Variants in TNR observed in about 807,000 individuals in gnomAD.
TNR encodes the protein tenascin R.
A neutral mutation model predicts 150.4 loss-of-function variants in TNR; 45 were observed. The observed-to-expected ratio is 0.30, with a 90% CI of 0.24 to 0.38. TNR has a LOEUF of 0.38. Ranked by LOEUF, TNR falls within the 10% of genes least tolerant of loss-of-function variation. The pLI, the probability that TNR is intolerant of heterozygous loss-of-function variation, is 1.00. For missense variants in TNR, 1,544 were observed against 1,759.1 expected (o/e 0.88, Z 2.19); for synonymous variants, 687 against 678.4 (o/e 1.01, Z -0.20).
At chr1:175,332,069 A>G (rs1315206386) in intron 20 of TNR, among the ~76,000 whole-genome samples, 1 of 152,222 alleles carries the variant, frequency 6.6e-6, no homozygotes, top group African/African-American at 2.4e-5. Context: ...TAATTGGCAG[A>G]TAGATCCATC....
chr1:175,334,588 C>T (rs1444725290), intron 20 of TNR, among the ~76,000 whole-genome samples: 2 of 152,164 alleles, frequency 1.3e-5, no homozygotes, highest in East Asian at 3.8e-4. Context: ...ACGAAGTGAC[C>T]CCACCTGGAC....
chr1:175,676,868 C>A (rs984314848), intron 1 of TNR, among the ~76,000 whole-genome samples: 1 of 152,148 alleles, frequency 6.6e-6, no homozygotes, highest in South Asian at 2.1e-4. Flanking sequence ...CAGGACTCCT[C>A]GATCTCAAAC....
chr1:175,411,396 A>G (rs1654208542), intron 2 of TNR, among the ~76,000 whole-genome samples: 1 of 152,186 alleles, frequency 6.6e-6, no homozygotes, highest in African/African-American at 2.4e-5. Flanking sequence ...ACCCACTATA[A>G]TATGGCATTA....
chr1:175,632,457 TC>T (rs1258652798), intron 1 of TNR, among the ~76,000 whole-genome samples: 1 of 152,176 alleles, frequency 6.6e-6, no homozygotes, highest in Non-Finnish European at 1.5e-5. Flanking sequence ...TTATTTTATT[TC>T]ACTTAGAAAA....
intron 2 of TNR, among the ~76,000 whole-genome samples, chr1:175,489,649 C>T (rs545782264): frequency 6.6e-6 from 1 of 152,280 alleles, no homozygotes; most frequent in South Asian, 2.1e-4. Context: ...TGAACATCAA[C>T]AAGAGAATGG....
intron 10 of TNR, among the ~76,000 whole-genome samples, chr1:175,366,661 G>C (rs984267739): frequency 6.6e-6 from 1 of 152,224 alleles, no homozygotes; most frequent in African/African-American, 2.4e-5. Context: ...AAAATCCCTA[G>C]CCCAGCCCAG....
intron 8 of TNR, among the ~76,000 whole-genome samples, chr1:175,382,037 A>T (rs1238715655): frequency 2.0e-4 from 31 of 152,174 alleles, no homozygotes; most frequent in Non-Finnish European, 1.5e-5. Flanking sequence ...TTAAAACGTT[A>T]CCTTTTCAGA....
intron 1 of TNR, among the ~76,000 whole-genome samples, chr1:175,628,780 A>T (rs1664235789): frequency 6.6e-6 from 1 of 152,120 alleles, no homozygotes; most frequent in African/African-American, 2.4e-5. Flanking sequence ...CTGGAGGGAG[A>T]TGGAAAGAGA....
chr1:175,486,545 TTCCAAG>T (rs1658025178), intron 2 of TNR, among the ~76,000 whole-genome samples: 1 of 152,148 alleles, frequency 6.6e-6, no homozygotes, highest in Admixed American at 6.5e-5. Context: ...TTTGGGTTGG[TTCCAAG>T]TCTGCTATTG....
chr1:175,376,965 G>T (rs571089501), intron 9 of TNR, among the ~76,000 whole-genome samples: 1 of 150,408 alleles, frequency 6.6e-6, no homozygotes. Flanking sequence ...TTTTCCCATC[G>T]CTTCTAGGTC....
At position 175,317,637 on chromosome 1, in the gene TNR, GTTTGCA is replaced by G. The variant is rs1446983857; in HGVS notation, c.*5714_*5719del. The G allele has an allele frequency of 6.6e-6, 1 of 152,296 alleles. No individual in the cohort carries two copies. Among genetic ancestry groups the G allele is most frequent in the East Asian group, 1.9e-4 (1 of 5,200 alleles). The allele number at this position is 152,296 out of a possible 1,614,324, so 9.4% of individuals were successfully genotyped here. A position where few individuals can be genotyped will look rare whatever the true frequency, so the allele number is the denominator to read the frequency against. ...GTATGGCTTGCTTCTCAGGGAAGATGTTTGCACCACCTGACCTGAATCCATGGTGCC... is the reference window on the plus strand; with the variant it reads ...GTATGGCTTGCTTCTCAGGGAAGATGCCACCTGACCTGAATCCATGGTGCC... On this transcript the variant is annotated 3_prime_UTR_variant, in exon 23 of 23. Transcript: ENST00000367674.
intron 1 of TNR, among the ~76,000 whole-genome samples, chr1:175,592,781 G>C (rs1662852094): frequency 6.6e-6 from 1 of 152,188 alleles, no homozygotes; most frequent in African/African-American, 2.4e-5. Flanking sequence ...CATTTCCTTT[G>C]GTGCTTAGTC....
intron 1 of TNR, among the ~76,000 whole-genome samples, chr1:175,559,529 T>A (rs1661331618): frequency 6.6e-6 from 1 of 152,186 alleles, no homozygotes; most frequent in African/African-American, 2.4e-5. Context: ...ATTTGGTAGT[T>A]CTCACTCCCA....
At chr1:175,503,507 G>T (rs955561608) in intron 2 of TNR, among the ~76,000 whole-genome samples, 1 of 152,176 alleles carries the variant, frequency 6.6e-6, no homozygotes, top group Non-Finnish European at 1.5e-5. Context: ...TTATGTAAAT[G>T]AGCCGACAGG....
intron 2 of TNR, among the ~76,000 whole-genome samples, chr1:175,470,212 A>G (rs1657222789): frequency 6.6e-6 from 1 of 152,226 alleles, no homozygotes; most frequent in South Asian, 2.1e-4. Context: ...CAGACTTACA[A>G]GCTGCCAGTG....
At chr1:175,371,037 C>G (rs1311166730) in intron 9 of TNR, among the ~76,000 whole-genome samples, 1 of 148,898 alleles carries the variant, frequency 6.7e-6, no homozygotes, top group Non-Finnish European at 1.5e-5. Context: ...AATTGTTGCT[C>G]TTTGCCAGCA....
At chr1:175,659,033 T>C (rs1571723588) in intron 1 of TNR, among the ~76,000 whole-genome samples, 1 of 152,048 alleles carries the variant, frequency 6.6e-6, no homozygotes, top group East Asian at 1.9e-4. Flanking sequence ...AGAATGGGGG[T>C]GGAAGCCACC....
chr1:175,603,478 T>C (rs1663314629), intron 1 of TNR, among the ~76,000 whole-genome samples: 1 of 152,266 alleles, frequency 6.6e-6, no homozygotes, highest in Non-Finnish European at 1.5e-5. Context: ...CAGCAGTCAC[T>C]GTAGCAATTA....
chr1:175,600,905 AGTTT>A, intron 1 of TNR, among the ~76,000 whole-genome samples: 1 of 152,254 alleles, frequency 6.6e-6, no homozygotes, highest in East Asian at 1.9e-4. Context: ...GGAACTCCTG[AGTTT>A]GTTTGTGGTC....
Sources: allele counts gnomAD v4.1 joint callset (sites outside exome capture counted in the v4.1 genomes callset), GRCh38; gene constraint gnomAD v4.1.1; transcripts MANE v1.5; gene names NCBI Gene and HGNC (gene_info 2026-07-23, HGNC 2026-07-21).